The following OCA2 variants were observed in gnomAD, a reference collection of about 807,000 sequenced individuals.
OCA2 encodes P protein.
A neutral mutation model predicts 100.2 loss-of-function variants in OCA2; 77 were observed. The observed-to-expected ratio is 0.77, with a 90% CI of 0.64 to 0.93. The LOEUF is 0.93. OCA2 is among the 40% of genes least tolerant of loss of function. The pLI is 0.00. For synonymous variants in OCA2, 432 were observed against 439.2 expected (o/e 0.98, Z 0.21); for missense variants, 1,062 against 1,089.1 (o/e 0.98, Z 0.35).
intron 23 of OCA2, among the ~76,000 whole-genome samples, chr15:27,763,649 TG>T (rs551928805): frequency 1.5e-3 from 223 of 152,092 alleles, no homozygotes; most frequent in African/African-American, 5.0e-3. Context: ...GCCCTTCCTG[TG>T]GGGAGACAGG....
At chr15:27,869,541 G>C (rs2036460058) in intron 21 of OCA2, among the ~76,000 whole-genome samples, 1 of 152,222 alleles carries the variant, frequency 6.6e-6, no homozygotes, top group Admixed American at 6.5e-5. Context: ...GAACAAAACT[G>C]TGAAAGTGTC....
intron 3 of OCA2, among the ~76,000 whole-genome samples, chr15:28,030,868 G>T (rs896926734): frequency 3.9e-4 from 60 of 152,308 alleles, no homozygotes; most frequent in African/African-American, 1.3e-3. Context: ...TCACATAAAA[G>T]GCAGCTGTGG....
chr15:27,787,851 G>A (rs76903315), intron 23 of OCA2, among the ~76,000 whole-genome samples: 167 of 151,276 alleles, frequency 1.1e-3, no homozygotes, highest in African/African-American at 3.9e-3. Flanking sequence ...CTTCTTTTCC[G>A]TCATAGTCCT....
chr15:27,842,194 A>G (rs747538651), intron 23 of OCA2, among the ~76,000 whole-genome samples: 2 of 152,250 alleles, frequency 1.3e-5, no homozygotes, highest in Non-Finnish European at 2.9e-5. Context: ...AGATGCTCAC[A>G]ATAGAGTATA....
At chr15:28,016,231 G>C in intron 7 of OCA2, 45 bp from the exon 8 acceptor site, 1 of 1,451,286 alleles carries the variant, frequency 6.9e-7, no homozygotes, top group Non-Finnish European at 9.7e-7. Flanking sequence ...TTTCACCTGA[G>C]ACACCATCTG....
At chr15:28,018,081 T>G (rs965111180) in intron 7 of OCA2, among the ~76,000 whole-genome samples, 1 of 150,728 alleles carries the variant, frequency 6.6e-6, no homozygotes, top group Non-Finnish European at 1.5e-5. Context: ...CGGACTTAAC[T>G]GCACTTCAAC....
At chr15:27,884,496 TA>T (rs1388915776) in intron 19 of OCA2, among the ~76,000 whole-genome samples, 1 of 152,224 alleles carries the variant, frequency 6.6e-6, no homozygotes, top group Non-Finnish European at 1.5e-5. Context: ...AGCACTTCCT[TA>T]AAGACTCAGA....
chr15:27,951,374 C>A (rs543430535), intron 18 of OCA2, among the ~76,000 whole-genome samples: 1 of 152,360 alleles, frequency 6.6e-6, no homozygotes, highest in African/African-American at 2.4e-5. Context: ...CTCTCCCGAA[C>A]AGACTGTCAC....
intron 21 of OCA2, among the ~76,000 whole-genome samples, chr15:27,856,870 C>T (rs1287167465): frequency 1.3e-5 from 2 of 152,182 alleles, no homozygotes; most frequent in Non-Finnish European, 1.5e-5. Flanking sequence ...GGCTCCAGCA[C>T]TCAACAAGCA....
chr15:28,027,835 C>T (rs778915963), intron 4 of OCA2, 36 bp downstream of exon 4: 14 of 1,608,624 alleles, frequency 8.7e-6, no homozygotes, highest in Admixed American at 1.7e-5. Context: ...GTGCGGCCAC[C>T]GCTGCTGCCA....
chr15:27,854,349 C>T (rs1318872103), intron 21 of OCA2, among the ~76,000 whole-genome samples: 4 of 152,212 alleles, frequency 2.6e-5, no homozygotes, highest in African/African-American at 9.6e-5. Flanking sequence ...GTGCCTGCTA[C>T]TGCACATGTC....
chr15:27,798,139 A>T (rs926234504), intron 23 of OCA2, among the ~76,000 whole-genome samples: 1 of 152,220 alleles, frequency 6.6e-6, no homozygotes, highest in Admixed American at 6.5e-5. Context: ...TCAGGTTAAG[A>T]AAAGAAGATG....
chr15:27,740,825 TAC>T, the OCA2 span, among the ~76,000 whole-genome samples: 73 of 152,208 alleles, frequency 4.8e-4, no homozygotes, highest in African/African-American at 1.6e-3. Context: ...TCTCTGTCCC[TAC>T]ACAGTCAGCA....
At chr15:28,000,907 A>C (rs913843580) in intron 9 of OCA2, among the ~76,000 whole-genome samples, 2 of 152,176 alleles carry the variant, frequency 1.3e-5, no homozygotes, top group Admixed American at 1.3e-4. Context: ...AAACACAATG[A>C]GATATGGCCT....
chr15:27,869,221 T>G (rs1301531817), intron 21 of OCA2, among the ~76,000 whole-genome samples: 1 of 152,204 alleles, frequency 6.6e-6, no homozygotes, highest in East Asian at 1.9e-4. Context: ...TGTATGTGGC[T>G]TCTGCCCCTG....
intron 22 of OCA2, among the ~76,000 whole-genome samples, chr15:27,850,334 G>A (rs139420023): frequency 2.6e-4 from 40 of 152,286 alleles, no homozygotes; most frequent in African/African-American, 8.9e-4. Context: ...ACAGCAGGGG[G>A]GTGAATTCAC....
At chr15:27,770,637 C>G (rs1686926791) in intron 23 of OCA2, among the ~76,000 whole-genome samples, 1 of 151,990 alleles carries the variant, frequency 6.6e-6, no homozygotes, top group Admixed American at 6.5e-5. Context: ...TCCTCAGAAC[C>G]CGGCCGCTCC....
chr15:27,722,970 T>C, the OCA2 span, among the ~76,000 whole-genome samples: 2 of 151,824 alleles, frequency 1.3e-5, no homozygotes, highest in African/African-American at 4.8e-5. Context: ...GCCTCCCGAG[T>C]AGCTGGGACT....
At chr15:28,040,357 C>T (rs1402761340) in intron 2 of OCA2, among the ~76,000 whole-genome samples, 1 of 151,940 alleles carries the variant, frequency 6.6e-6, no homozygotes, top group Non-Finnish European at 1.5e-5. Flanking sequence ...GCAGTGAAAG[C>T]AGTACTAAAA....
Sources: allele counts gnomAD v4.1 joint callset (sites outside exome capture counted in the v4.1 genomes callset), GRCh38; gene constraint gnomAD v4.1.1; transcripts MANE v1.5; gene names NCBI Gene and HGNC (gene_info 2026-07-23, HGNC 2026-07-21).